The following GSKIP variants were observed in gnomAD, a reference collection of about 807,000 sequenced individuals.
GSKIP encodes the protein GSK3B interacting protein.
In GSKIP, 5 loss-of-function variants were observed where a neutral mutation model predicts 11.9. The ratio of observed to expected loss-of-function variants is 0.42; its 90% CI spans 0.22 to 0.89. The LOEUF is 0.89. Among genes scored for constraint, GSKIP ranks in the 40% least tolerant of loss-of-function variants. The pLI is 0.29. For missense variants in GSKIP, 150 were observed against 166.6 expected (o/e 0.90, Z 0.55); for synonymous variants, 70 against 62.9 (o/e 1.11, Z -0.54).
At chr14:96,374,453 C>A (rs540299153) in intron 1 of GSKIP, among the ~76,000 whole-genome samples, 2 of 151,982 alleles carry the variant, frequency 1.3e-5, no homozygotes, top group Non-Finnish European at 2.9e-5. Context: ...AAAACTACAC[C>A]AAGAGGAACA....
At chr14:96,382,534 A>T in intron 3 of GSKIP, 29 bp downstream of exon 3, 1 of 1,556,552 alleles carries the variant, frequency 6.4e-7, no homozygotes, top group Non-Finnish European at 8.7e-7. Flanking sequence ...TAGAAAAAAA[A>T]ATTATTTATG....
At chr14:96,383,066 A>C (rs1487403289) in intron 3 of GSKIP, among the ~76,000 whole-genome samples, 1 of 152,142 alleles carries the variant, frequency 6.6e-6, no homozygotes, top group Non-Finnish European at 1.5e-5. Context: ...CAAAATCATG[A>C]GTTTAGAATA....
chr14:96,366,082 T>C (rs927609642), intron 1 of GSKIP, among the ~76,000 whole-genome samples: 1 of 152,024 alleles, frequency 6.6e-6, no homozygotes, highest in Non-Finnish European at 1.5e-5. Flanking sequence ...AGCAGTTGGA[T>C]TCTGGATATA....
intron 2 of GSKIP, 111 bp from the exon 3 acceptor site, chr14:96,382,136 G>C: frequency 3.2e-6 from 2 of 632,434 alleles, no homozygotes; most frequent in Admixed American, 7.0e-5. Context: ...TTGTTAGCTA[G>C]TGTTTTGTAC....
At chr14:96,375,266 G>C (rs755174174) in intron 1 of GSKIP, among the ~76,000 whole-genome samples, 2 of 151,944 alleles carry the variant, frequency 1.3e-5, no homozygotes, top group Non-Finnish European at 2.9e-5. Context: ...GTACAGATGG[G>C]ACTAAAAGCA....
intron 1 of GSKIP, among the ~76,000 whole-genome samples, chr14:96,371,207 T>C (rs1382014833): frequency 6.6e-6 from 1 of 152,160 alleles, no homozygotes; most frequent in African/African-American, 2.4e-5. Flanking sequence ...TTCAAAACAG[T>C]TGTTGGAAAT....
chr14:96,382,288 C>T lies in GSKIP; in HGVS notation c.41C>T (p.Ser14Leu), dbSNP rs2139943322. ...AATCCCATGGAGCTAAGCAGTATGT[C>T]AGGATTTGAAGAAGGTTCAGAGCTG... is the stretch of plus-strand genomic sequence containing the variant. ...DCNPMELSSM[S>L]GFEEGSELNG... Residue 14 changes from serine (S) to leucine (L), a missense_variant, in exon 3 of 4, where the codon TCA becomes TTA. By Grantham distance (145) the Ser-to-Leu change is moderately radical (BLOSUM62 -2). Transcript: ENST00000555181. 6.2e-6 allele frequency: 10 copies of T among 1,609,126 alleles called. No individual in the cohort carries two copies. The highest frequency in any genetic ancestry group is 7.6e-6 in the Non-Finnish European group (9 of 1,177,542).
chr14:96,382,245 A>G lies in GSKIP; in HGVS notation c.-1-2A>G, dbSNP rs751307827. The G allele has an allele frequency of 1.3e-6, 2 of 1,529,282 alleles. No homozygotes were observed. The highest frequency in any genetic ancestry group is 1.2e-5 in the South Asian group (1 of 80,966). The allele number at this position is 1,529,282 out of a possible 1,614,324, so 94.7% of individuals were successfully genotyped here. A position where few individuals can be genotyped will look rare whatever the true frequency, so the allele number is the denominator to read the frequency against. ...TATAACTGCTTTTTTTTTTTTTTAC[A>G]GAATGGAAACAGACTGTAATCCCAT... is the stretch of plus-strand genomic sequence containing the variant. On this transcript the variant is annotated splice_acceptor_variant, in intron 2 of 3. Transcript: ENST00000555181. LOFTEE classifies it low-confidence loss of function (5UTR_SPLICE).
chr14:96,383,879 G>A (rs1242619701), intron 3 of GSKIP, among the ~76,000 whole-genome samples: 2 of 152,124 alleles, frequency 1.3e-5, no homozygotes, highest in Admixed American at 6.6e-5. Context: ...AGAGATAAAT[G>A]ACAGAATTAG....
Position 96,386,356 on chromosome 14 carries a change from A to C in GSKIP, c.*672A>C, listed in dbSNP as rs1047336848. On this transcript the variant is annotated 3_prime_UTR_variant, in exon 4 of 4. Coordinates refer to ENST00000555181, the MANE Select transcript of GSKIP (RefSeq NM_016472.5). Reference sequence around the variant, plus strand: ...GATAAACCGTTAGCAAATGAATGTAATAATTACTCATTTCCAAGATATCTA... The same window carrying C: ...GATAAACCGTTAGCAAATGAATGTACTAATTACTCATTTCCAAGATATCTA... 1 of 152,628 alleles carries C rather than the reference A, an allele frequency of 6.6e-6. No homozygotes were observed. The highest frequency in any genetic ancestry group is 1.5e-5 in the Non-Finnish European group (1 of 68,028). 9.5% of individuals were successfully genotyped at this position (152,628 alleles called of 1,614,324 possible).
intron 1 of GSKIP, among the ~76,000 whole-genome samples, chr14:96,377,730 A>G (rs1889239641): frequency 6.6e-6 from 1 of 152,200 alleles, no homozygotes; most frequent in Non-Finnish European, 1.5e-5. Flanking sequence ...TGTCATCACC[A>G]GCTAACTGAC....
intron 1 of GSKIP, among the ~76,000 whole-genome samples, chr14:96,370,369 G>A (rs1206136743): frequency 2.6e-5 from 4 of 152,128 alleles, no homozygotes; most frequent in Non-Finnish European, 2.9e-5. Context: ...TTTGAGAAGC[G>A]AGGAGTGGAA....
chr14:96,366,961 G>A (rs1318507825), intron 1 of GSKIP, among the ~76,000 whole-genome samples: 1 of 152,152 alleles, frequency 6.6e-6, no homozygotes, highest in Non-Finnish European at 1.5e-5. Context: ...GTAACAGGAC[G>A]ACGCTGTCAG....
intron 3 of GSKIP, among the ~76,000 whole-genome samples, chr14:96,383,796 T>G (rs180721127): frequency 6.6e-6 from 1 of 152,348 alleles, no homozygotes; most frequent in Admixed American, 6.5e-5. Flanking sequence ...CTAATTTTTG[T>G]GCACTTCTTT....
chr14:96,367,135 T>G (rs1157191869), intron 1 of GSKIP, among the ~76,000 whole-genome samples: 1 of 152,224 alleles, frequency 6.6e-6, no homozygotes. Flanking sequence ...ATAGATTATA[T>G]TTTTTCAGCT....
At chr14:96,381,425 G>T (rs894819741) in intron 2 of GSKIP, among the ~76,000 whole-genome samples, 46 of 152,174 alleles carry the variant, frequency 3.0e-4, no homozygotes, top group African/African-American at 1.0e-3. Flanking sequence ...ATTCCAGATG[G>T]ATGAGTTAAA....
chr14:96,380,213 G>T (rs1301470255), intron 2 of GSKIP: 3 of 152,176 alleles, frequency 2.0e-5, no homozygotes, highest in South Asian at 4.1e-4. Flanking sequence ...TCTGTAAAGT[G>T]CTGTGAGAGA....
intron 1 of GSKIP, chr14:96,364,101 G>GC (rs1274474251): frequency 9.8e-5 from 15 of 152,326 alleles, no homozygotes; most frequent in Non-Finnish European, 2.9e-5. Flanking sequence ...TCCTGACCCC[G>GC]CCGGAACCTG....
At chr14:96,381,321 G>C (rs558438679) in intron 2 of GSKIP, among the ~76,000 whole-genome samples, 49 of 152,282 alleles carry the variant, frequency 3.2e-4, no homozygotes, top group Non-Finnish European at 5.0e-4. Context: ...TAACATTTGG[G>C]TCAGTTCAAA....
Sources: gnomAD v4.1 joint callset for allele counts (sites outside exome capture counted in the v4.1 genomes callset) on GRCh38, gnomAD v4.1.1 for gene constraint, MANE v1.5 for transcripts, NCBI Gene and HGNC (gene_info 2026-07-23, HGNC 2026-07-21) for gene names.